Variants in ADD2 observed in about 807,000 individuals in gnomAD.
ADD2 encodes beta-adducin.
ADD2 carries 23 observed loss-of-function variants against 83.0 expected under a neutral mutation model. That is an observed-to-expected ratio of 0.28 (90% CI 0.20 to 0.39). The LOEUF is 0.39. ADD2 is among the 10% of genes least tolerant of loss of function. ADD2 has a pLI of 1.00. For missense variants in ADD2, 758 were observed against 944.9 expected, an observed-to-expected ratio of 0.80 and a Z score of 2.59; for synonymous variants, 375 against 375.4, an observed-to-expected ratio of 1.00 and a Z score of 0.01.
chr2:70,695,341 T>TA (rs2104339080), intron 6 of ADD2, among the ~76,000 whole-genome samples: 1 of 152,302 alleles, frequency 6.6e-6, no homozygotes, highest in Non-Finnish European at 1.5e-5. Flanking sequence ...GAAGCATCTC[T>TA]AATGGTGCCA....
chr2:70,730,914 G>T (rs1199294269), intron 1 of ADD2, among the ~76,000 whole-genome samples: 1 of 152,214 alleles, frequency 6.6e-6, no homozygotes, highest in Admixed American at 6.5e-5. Flanking sequence ...GGCTAGGTTT[G>T]TGTAAGTACA....
intron 15 of ADD2, among the ~76,000 whole-genome samples, chr2:70,665,695 T>G (rs951769975): frequency 3.9e-5 from 6 of 152,222 alleles, no homozygotes; most frequent in Non-Finnish European, 5.9e-5. Flanking sequence ...GTGTTACTTC[T>G]TCCTTCAAGT....
chr2:70,715,803 A>C, intron 1 of ADD2, among the ~76,000 whole-genome samples: 1 of 146,338 alleles, frequency 6.8e-6, no homozygotes, highest in Non-Finnish European at 1.5e-5. Context: ...CCACCATGGG[A>C]TCCCACCTTG....
At chr2:70,670,227 TAA>T (rs1669843464) in intron 15 of ADD2, among the ~76,000 whole-genome samples, 3 of 152,246 alleles carry the variant, frequency 2.0e-5, no homozygotes, top group Non-Finnish European at 4.4e-5. Flanking sequence ...ACATGGTAGA[TAA>T]AAAGGACTAA....
intron 1 of ADD2, among the ~76,000 whole-genome samples, chr2:70,737,096 G>A (rs1673610668): frequency 6.6e-6 from 1 of 152,116 alleles, no homozygotes; most frequent in African/African-American, 2.4e-5. Flanking sequence ...TGAGGATGTG[G>A]AGAAATAGGA....
Position 70,663,424 on chromosome 2 carries a change from A to G in ADD2, c.*1T>C. 2 of 1,611,762 alleles carry G rather than the reference A, an allele frequency of 1.2e-6. No homozygotes were observed. Among genetic ancestry groups the G allele is most frequent in the South Asian group, 2.2e-5 (2 of 90,834 alleles). On this transcript the variant is annotated 3_prime_UTR_variant, in exon 16 of 16. Transcript: ENST00000264436. The stretch of plus-strand genomic sequence containing the variant: ...AGGAGGGAGCCCAAGGGTGTCATGA[A>G]TCAGGACTCCACTTTCTCCTTCTTT...
At chr2:70,743,789 G>A (rs1184098452) in intron 1 of ADD2, among the ~76,000 whole-genome samples, 2 of 152,188 alleles carry the variant, frequency 1.3e-5, no homozygotes, top group Non-Finnish European at 2.9e-5. Flanking sequence ...AGGTACAAAG[G>A]TCCTGTGGTA....
intron 1 of ADD2, among the ~76,000 whole-genome samples, chr2:70,740,801 G>A (rs1365097656): frequency 2.0e-5 from 3 of 152,196 alleles, no homozygotes; most frequent in African/African-American, 7.2e-5. Flanking sequence ...CCGGCTTCAA[G>A]TGATTCTCCC....
At position 70,706,981 on chromosome 2, in the gene ADD2, C is replaced by T. The variant is rs573565116; in HGVS notation, c.-34-539G>A. On this transcript the variant is annotated intron_variant, in intron 2 of 15. Coordinates refer to ENST00000264436, the MANE Select transcript of ADD2 (RefSeq NM_001617.4). The surrounding 1 kb of genome is among the most constrained non-coding windows in gnomAD (Gnocchi z 5.0). Reference sequence around the variant, plus strand: ...GTAACAAACCTGCACATCCTGCACACGTATCACAGAACTAAAAAGAAAAAA... The same window carrying T: ...GTAACAAACCTGCACATCCTGCACATGTATCACAGAACTAAAAAGAAAAAA... Among the ~76,000 whole-genome samples the T allele has an allele frequency of 6.6e-6, 1 of 152,112 alleles. No homozygotes were observed. Among genetic ancestry groups the T allele is most frequent in the African/African-American group, 2.4e-5 (1 of 41,484 alleles).
chr2:70,699,853 T>C (rs1319826845), intron 4 of ADD2, among the ~76,000 whole-genome samples: 4 of 152,026 alleles, frequency 2.6e-5, no homozygotes, highest in African/African-American at 7.2e-5. Flanking sequence ...AGATCAAAAA[T>C]ACACCAGGCA....
At chr2:70,667,316 C>T (rs1395519351) in intron 15 of ADD2, among the ~76,000 whole-genome samples, 19 of 152,070 alleles carry the variant, frequency 1.2e-4, no homozygotes, top group Admixed American at 4.6e-4. Flanking sequence ...GTGACGGGAA[C>T]GAGACTGGAC....
At chr2:70,766,002 C>G (rs2104574854) in intron 1 of ADD2, among the ~76,000 whole-genome samples, 1 of 152,322 alleles carries the variant, frequency 6.6e-6, no homozygotes, top group East Asian at 1.9e-4. Context: ...ATTTGCTCAA[C>G]TGTTAACCTT....
chr2:70,753,334 A>G (rs1262162464), intron 1 of ADD2, among the ~76,000 whole-genome samples: 3 of 152,192 alleles, frequency 2.0e-5, no homozygotes, highest in Non-Finnish European at 1.5e-5. Flanking sequence ...GCCATAAAAG[A>G]GGACAAGTAT....
rs539622645 is a variant in ADD2 at position 70,689,814 on chromosome 2, C to A, written c.849+972G>T. 2.0e-5 allele frequency among the ~76,000 whole-genome samples: 3 copies of A among 152,240 alleles called. No homozygotes were observed. In the South Asian group the frequency reaches 6.2e-4, roughly 32 times the overall value. ...AACAGGGCTCAAGAGTTCAGTCAAG[C>A]AACAACAAGATTCCATTTTTCTCTT... On this transcript the variant is annotated intron_variant, in intron 8 of 15. Coordinates refer to ENST00000264436, the MANE Select transcript of ADD2 (RefSeq NM_001617.4).
chr2:70,727,632 T>C (rs551921781), intron 1 of ADD2, among the ~76,000 whole-genome samples: 208 of 152,242 alleles, frequency 1.4e-3, no homozygotes, highest in African/African-American at 4.5e-3. Flanking sequence ...CGGTGGCTCA[T>C]GCCTATAATC....
In ADD2 at chr2:70,768,197, TGA is replaced by T; in HGVS notation, c.-467_-466del. 3.5e-6 allele frequency: 2 copies of T among 576,558 alleles called. No homozygotes were observed. The highest frequency in any genetic ancestry group is 5.9e-5 in the East Asian group (2 of 33,856). The allele number at this position is 576,558 out of a possible 1,614,324, so 35.7% of individuals were successfully genotyped here. ...TTTCCCGCACGAGGCTGGGAGGAAA[TGA>T]GAGCTCTCCTGGCCCTGCGCGCTGA... On this transcript the variant is annotated 5_prime_UTR_variant, in exon 1 of 16. Transcript: ENST00000264436.
At chr2:70,670,983 G>T (rs1360978527) in intron 15 of ADD2, among the ~76,000 whole-genome samples, 2 of 152,192 alleles carry the variant, frequency 1.3e-5, no homozygotes, top group Non-Finnish European at 2.9e-5. Context: ...AAAATGTCAG[G>T]CAGTGGGTAA....
intron 13 of ADD2, 85 bp from the exon 14 acceptor site, chr2:70,674,910 C>T (rs1278190895): frequency 6.5e-7 from 1 of 1,531,922 alleles, no homozygotes; most frequent in Non-Finnish European, 8.8e-7. Context: ...ATTCATGTGG[C>T]TGCAAGCGGT....
intron 10 of ADD2, among the ~76,000 whole-genome samples, chr2:70,679,543 G>C (rs1670353719): frequency 6.6e-6 from 1 of 152,168 alleles, no homozygotes; most frequent in Non-Finnish European, 1.5e-5. Flanking sequence ...AGCTGGAGCT[G>C]ACTGCTTCTT....
Sources: gnomAD v4.1 joint callset for allele counts (sites outside exome capture counted in the v4.1 genomes callset) on GRCh38, gnomAD v4.1.1 for gene constraint, Gnocchi (gnomAD v3.1) non-coding constraint, MANE v1.5 for transcripts, NCBI Gene and HGNC (gene_info 2026-07-23, HGNC 2026-07-21) for gene names.